PHLPP1: variants seen among roughly 807,000 people sequenced by gnomAD.
The protein encoded by PHLPP1 is PH domain leucine-rich repeat-containing protein phosphatase 1.
In PHLPP1, 42 loss-of-function variants were observed where a neutral mutation model predicts 117.2. That is an observed-to-expected ratio of 0.36 (90% CI 0.28 to 0.46). The LOEUF is 0.46. Among genes scored for constraint, PHLPP1 ranks in the 20% least tolerant of loss-of-function variants. The pLI is 1.00. For missense variants in PHLPP1, 2,084 were observed against 2,241.9 expected (o/e 0.93, Z 1.42); for synonymous variants, 1,042 against 970.7 (o/e 1.07, Z -1.37).
chr18:62,969,729 C>G (rs572769913), intron 14 of PHLPP1, among the ~76,000 whole-genome samples: 8 of 152,114 alleles, frequency 5.3e-5, no homozygotes, highest in African/African-American at 1.9e-4. Context: ...ACTCTCTATT[C>G]CTATAATATT....
At chr18:62,903,291 T>C in intron 7 of PHLPP1, 125 bp downstream of exon 7, 1 of 682,892 alleles carries the variant, frequency 1.5e-6, no homozygotes, top group Non-Finnish European at 2.4e-6. Flanking sequence ...TTTGCTAAAA[T>C]AAAAGTCACA....
intron 1 of PHLPP1, among the ~76,000 whole-genome samples, chr18:62,817,183 A>G (rs1434427596): frequency 6.6e-6 from 1 of 152,182 alleles, no homozygotes; most frequent in African/African-American, 2.4e-5. Context: ...GATGCAAGCA[A>G]TCCTCCTGCC....
chr18:62,771,185 G>C (rs944264477), intron 1 of PHLPP1, among the ~76,000 whole-genome samples: 8 of 146,996 alleles, frequency 5.4e-5, no homozygotes, highest in African/African-American at 7.6e-5. Context: ...TTGCCCTCCA[G>C]CCTGGGCGAC....
intron 2 of PHLPP1, among the ~76,000 whole-genome samples, chr18:62,834,919 C>T (rs1312990062): frequency 3.3e-5 from 5 of 151,960 alleles, no homozygotes; most frequent in Admixed American, 3.3e-4. Context: ...TGATATCTGT[C>T]AATTTGTTTA....
chr18:62,915,098 CT>C lies in PHLPP1; in HGVS notation c.2804+91del, dbSNP rs1487690078. On this transcript the variant is annotated intron_variant, in intron 9 of 16. Transcript: ENST00000262719. ...CAGTGTTTAACTTGGTATCATAAGC[CT>C]AAAAGAGTTTGCTTTAAAAACTAAT... The C allele has an allele frequency of 5.4e-5, 49 of 907,902 alleles. No individual in the cohort carries two copies. The Middle Eastern group carries it at 1.3e-3, about 25-fold the overall frequency. The allele number at this position is 907,902 out of a possible 1,614,324, so 56.2% of individuals were successfully genotyped here. A position where few individuals can be genotyped will look rare whatever the true frequency, so the allele number is the denominator to read the frequency against.
intron 1 of PHLPP1, chr18:62,731,156 G>C (rs997505174): frequency 1.3e-5 from 2 of 151,612 alleles, no homozygotes; most frequent in Admixed American, 1.3e-4. Context: ...TGCTCACTTT[G>C]TGTCTCTGTG....
chr18:62,816,730 G>T (rs202155230), intron 1 of PHLPP1, among the ~76,000 whole-genome samples: 2 of 151,964 alleles, frequency 1.3e-5, no homozygotes, highest in Non-Finnish European at 2.9e-5. Context: ...CAATTTGGGG[G>T]ATATATTTTT....
At chr18:62,807,630 A>G (rs1913987229) in intron 1 of PHLPP1, among the ~76,000 whole-genome samples, 1 of 152,198 alleles carries the variant, frequency 6.6e-6, no homozygotes, top group East Asian at 1.9e-4. Flanking sequence ...ACACCTCTCT[A>G]TGCTGTATGG....
chr18:62,738,395 T>TA (rs774079803), intron 1 of PHLPP1, among the ~76,000 whole-genome samples: 1 of 151,964 alleles, frequency 6.6e-6, no homozygotes, highest in Non-Finnish European at 1.5e-5. Flanking sequence ...AATGCAACAA[T>TA]AAAAAATAAT....
In PHLPP1 at chr18:62,882,189, G is replaced by A. The variant is rs558187788; in HGVS notation, c.2067-12822G>A. ...TTACCAAGCCAAAGAAGCACCACACGAAAGGAATTGGAATTTGAGGAGTTC... is the reference window on the plus strand; with the variant it reads ...TTACCAAGCCAAAGAAGCACCACACAAAAGGAATTGGAATTTGAGGAGTTC... On this transcript the variant is annotated intron_variant, in intron 4 of 16. Transcript: ENST00000262719. Among the ~76,000 whole-genome samples, 6 of 152,078 alleles carry A rather than the reference G, an allele frequency of 3.9e-5. No individual in the cohort carries two copies. In the East Asian group the frequency reaches 5.8e-4, roughly 15 times the overall value.
rs1911319818 is a variant in PHLPP1, at chr18:62,979,673, T to C, written c.*242T>C. On this transcript the variant is annotated 3_prime_UTR_variant, in exon 17 of 17. Coordinates refer to ENST00000262719, the MANE Select transcript of PHLPP1 (RefSeq NM_194449.4). ...TTTGTTAACTTCTCCCCCTAACATATCAGATATGTAAAGACAAAGAACAAA... is the reference window on the plus strand; with the variant it reads ...TTTGTTAACTTCTCCCCCTAACATACCAGATATGTAAAGACAAAGAACAAA... 5 of 544,298 alleles carry C rather than the reference T, an allele frequency of 9.2e-6. No individual in the cohort carries two copies. The highest frequency in any genetic ancestry group is 2.5e-5 in the South Asian group (1 of 40,680). The allele number at this position is 544,298 out of a possible 1,614,324, so 33.7% of individuals were successfully genotyped here.
At chr18:62,770,626 T>C (rs978465966) in intron 1 of PHLPP1, among the ~76,000 whole-genome samples, 3 of 152,126 alleles carry the variant, frequency 2.0e-5, no homozygotes, top group African/African-American at 7.2e-5. Flanking sequence ...TTTGAGAAAA[T>C]CCATGTAGGA....
At position 62,715,720 on chromosome 18, in the gene PHLPP1, C is replaced by A; in HGVS notation, c.37C>A (p.Pro13Thr). ...PAAAATVQRL[P>T]ELGREDRASA... ...CGCCGCGGCCACGGTACAGCGACTC[C>A]CCGAGCTCGGCAGGGAGGACCGAGC... is the stretch of plus-strand genomic sequence containing the variant. Residue 13 changes from proline (P) to threonine (T), a missense_variant, in exon 1 of 17, where the codon CCC becomes ACC. Transcript: ENST00000262719. The A allele has an allele frequency of 7.9e-7, 1 of 1,273,652 alleles. No homozygotes were observed. The highest frequency in any genetic ancestry group is 9.9e-7 in the Non-Finnish European group (1 of 1,006,258). 78.9% of individuals were successfully genotyped at this position (1,273,652 alleles called of 1,614,324 possible).
chr18:62,902,262 A>G (rs1171621649), intron 6 of PHLPP1, among the ~76,000 whole-genome samples: 1 of 152,174 alleles, frequency 6.6e-6, no homozygotes, highest in Non-Finnish European at 1.5e-5. Flanking sequence ...CCGGCATTCT[A>G]AGATTTCTCA....
intron 1 of PHLPP1, among the ~76,000 whole-genome samples, chr18:62,725,542 CT>C (rs1463634538): frequency 6.6e-6 from 1 of 151,984 alleles, no homozygotes; most frequent in Non-Finnish European, 1.5e-5. Flanking sequence ...TGTTCAGTAT[CT>C]TTGGGCTTTT....
chr18:62,844,603 TA>T (rs1361685318), intron 3 of PHLPP1, among the ~76,000 whole-genome samples: 1 of 152,300 alleles, frequency 6.6e-6, no homozygotes, highest in African/African-American at 2.4e-5. Context: ...CCCCAGACAT[TA>T]TTTCGCTCAC....
chr18:62,884,254 A>G (rs1296937041), intron 4 of PHLPP1, among the ~76,000 whole-genome samples: 1 of 152,192 alleles, frequency 6.6e-6, no homozygotes, highest in African/African-American at 2.4e-5. Context: ...GCTATCTCCT[A>G]TTTATGCAGC....
At chr18:62,885,983 T>G (rs1468139259) in intron 4 of PHLPP1, among the ~76,000 whole-genome samples, 1 of 152,200 alleles carries the variant, frequency 6.6e-6, no homozygotes, top group East Asian at 1.9e-4. Context: ...TGTGCTGTTC[T>G]GTCTCTGCCA....
intron 10 of PHLPP1, among the ~76,000 whole-genome samples, chr18:62,940,194 G>A (rs1295995719): frequency 6.6e-6 from 1 of 151,722 alleles, no homozygotes; most frequent in African/African-American, 2.4e-5. Context: ...TTTGGAACCT[G>A]ATCACAGCAA....
Sources: gnomAD v4.1 joint callset for allele counts (sites outside exome capture counted in the v4.1 genomes callset) on GRCh38, gnomAD v4.1.1 for gene constraint, MANE v1.5 for transcripts, NCBI Gene and HGNC (gene_info 2026-07-23, HGNC 2026-07-21) for gene names.